The following STIM1 variants were observed in gnomAD, a reference collection of about 807,000 sequenced individuals.
The protein encoded by STIM1 is stromal interaction molecule 1.
A neutral mutation model predicts 74.7 loss-of-function variants in STIM1; 25 were observed. That is an observed-to-expected ratio of 0.33 (90% confidence interval 0.24 to 0.47). The LOEUF (loss-of-function observed/expected upper bound fraction) is 0.47. Among genes scored for constraint, STIM1 ranks in the 20% least tolerant of loss-of-function variants. The pLI is 1.00. For missense variants in STIM1, 728 were observed against 920.8 expected, an observed-to-expected ratio of 0.79 and a Z score of 2.71; for synonymous variants, 328 against 348.8, an observed-to-expected ratio of 0.94 and a Z score of 0.66.
intron 3 of STIM1, among the ~76,000 whole-genome samples, chr11:4,053,277 C>T (rs544267694): frequency 3.3e-4 from 51 of 152,312 alleles, no homozygotes; most frequent in Non-Finnish European, 5.3e-4. Flanking sequence ...AAGACACATG[C>T]ACACGTGTGT....
intron 3 of STIM1, among the ~76,000 whole-genome samples, chr11:4,028,660 T>C (rs2094020326): frequency 6.6e-6 from 1 of 151,980 alleles, no homozygotes; most frequent in Admixed American, 6.6e-5. Context: ...TCCGCCTGCC[T>C]CGGCCTTCCA....
chr11:4,029,586 G>T (rs1021442189), intron 3 of STIM1, among the ~76,000 whole-genome samples: 1 of 139,386 alleles, frequency 7.2e-6, no homozygotes, highest in Non-Finnish European at 1.6e-5. Context: ...GCGGGGTGGG[G>T]GTGGGAGAGA....
chr11:3,911,028 C>G (rs779352592), intron 1 of STIM1, among the ~76,000 whole-genome samples: 3 of 152,066 alleles, frequency 2.0e-5, no homozygotes, highest in African/African-American at 7.2e-5. Flanking sequence ...AACAAATCTA[C>G]AAGTCTCATC....
chr11:4,059,087 A>G, intron 4 of STIM1, 194 bp from the exon 5 acceptor site: 2 of 794,400 alleles, frequency 2.5e-6, no homozygotes, highest in Non-Finnish European at 3.9e-6. Flanking sequence ...AGGGCTGAAC[A>G]AATTCTTGGT....
At chr11:3,866,060 A>G (rs1304271064) in intron 1 of STIM1, among the ~76,000 whole-genome samples, 3 of 152,170 alleles carry the variant, frequency 2.0e-5, no homozygotes, top group East Asian at 1.9e-4. Context: ...AAATTTCTGT[A>G]TGGGTGGTGG....
intron 4 of STIM1, chr11:4,058,777 T>G: frequency 1.0e-6 from 1 of 984,972 alleles, no homozygotes; most frequent in Non-Finnish European, 1.2e-6. Flanking sequence ...AGTGGTTAAT[T>G]AAAATTTTTT....
chr11:3,966,009 AAAACAAAC>A (rs139956777), intron 1 of STIM1, among the ~76,000 whole-genome samples: 5 of 152,102 alleles, frequency 3.3e-5, no homozygotes, highest in African/African-American at 1.2e-4. Context: ...TCTGTCTCAA[AAAACAAAC>A]AAACAAACAA....
At chr11:3,927,703 T>C (rs1311513485) in intron 1 of STIM1, among the ~76,000 whole-genome samples, 1 of 152,186 alleles carries the variant, frequency 6.6e-6, no homozygotes, top group Non-Finnish European at 1.5e-5. Flanking sequence ...AGGTTGGCAG[T>C]GGAAGCAGAG....
At chr11:3,957,159 C>T (rs2093225340) in intron 1 of STIM1, among the ~76,000 whole-genome samples, 1 of 152,162 alleles carries the variant, frequency 6.6e-6, no homozygotes, top group Admixed American at 6.6e-5. Flanking sequence ...GAGGTAAGGC[C>T]ATATGAGGTG....
At chr11:3,897,864 A>G (rs1392720404) in intron 1 of STIM1, among the ~76,000 whole-genome samples, 2 of 152,084 alleles carry the variant, frequency 1.3e-5, no homozygotes. Flanking sequence ...TTATGGCTGC[A>G]TAGTATTCCA....
At chr11:3,925,560 T>C (rs1454317110) in intron 1 of STIM1, among the ~76,000 whole-genome samples, 4 of 152,226 alleles carry the variant, frequency 2.6e-5, no homozygotes, top group Non-Finnish European at 5.9e-5. Flanking sequence ...GGATTGAATA[T>C]CTTTGGACTT....
chr11:3,934,723 C>T (rs895353276), intron 1 of STIM1, among the ~76,000 whole-genome samples: 4 of 152,224 alleles, frequency 2.6e-5, no homozygotes, highest in African/African-American at 9.6e-5. Context: ...AAATAAGTTT[C>T]TCTTCCATAA....
chr11:3,893,710 G>C (rs921064042), intron 1 of STIM1, among the ~76,000 whole-genome samples: 17 of 151,182 alleles, frequency 1.1e-4, no homozygotes, highest in African/African-American at 4.1e-4. Context: ...AGGCTGGAGT[G>C]CAGTGGCGCA....
At chr11:4,031,208 G>A (rs897243602) in intron 3 of STIM1, among the ~76,000 whole-genome samples, 6 of 152,160 alleles carry the variant, frequency 3.9e-5, no homozygotes, top group African/African-American at 1.4e-4. Flanking sequence ...GTTCACTTAT[G>A]TTTTGCATGT....
At chr11:3,967,364 G>T (rs1002524230) in intron 1 of STIM1, among the ~76,000 whole-genome samples, 188 bp from the exon 2 acceptor site, 1 of 152,152 alleles carries the variant, frequency 6.6e-6, no homozygotes, top group African/African-American at 2.4e-5. Flanking sequence ...TTGTCCTTGT[G>T]GGGGAGCTCA....
At chr11:3,981,970 A>T (rs1295445973) in intron 2 of STIM1, among the ~76,000 whole-genome samples, 1 of 152,070 alleles carries the variant, frequency 6.6e-6, no homozygotes, top group African/African-American at 2.4e-5. Flanking sequence ...TTGACTTTGG[A>T]AAGTTTCTCT....
At chr11:4,049,755 CACACACACAT>C (rs758133635) in intron 3 of STIM1, 15,936 of 145,346 alleles carry the variant, frequency 0.11, 1,340 homozygotes, top group Non-Finnish European at 0.16. Flanking sequence ...CACACACACA[CACACACACAT>C]GCTTAGAACG....
At chr11:4,053,852 C>A (rs902132269) in intron 3 of STIM1, among the ~76,000 whole-genome samples, 1 of 152,156 alleles carries the variant, frequency 6.6e-6, no homozygotes, top group African/African-American at 2.4e-5. Flanking sequence ...CAAGCAATCT[C>A]CCGCCTTAGC....
At chr11:3,914,518 T>C (rs1021562910) in intron 1 of STIM1, among the ~76,000 whole-genome samples, 3 of 152,194 alleles carry the variant, frequency 2.0e-5, no homozygotes, top group African/African-American at 7.2e-5. Context: ...CTCAGCTCAC[T>C]GCAATCTCTG....
Sources: allele counts gnomAD v4.1 joint callset (sites outside exome capture counted in the v4.1 genomes callset), GRCh38; gene constraint gnomAD v4.1.1; transcripts MANE v1.5; gene names NCBI Gene and HGNC (gene_info 2026-07-23, HGNC 2026-07-21).